The following TEX10 variants were observed in gnomAD, a reference collection of about 807,000 sequenced individuals.
TEX10 encodes the protein testis expressed 10.
A neutral mutation model predicts 104.4 loss-of-function variants in TEX10; 24 were observed. The observed-to-expected ratio is 0.23, with a 90% confidence interval of 0.17 to 0.32. The LOEUF (loss-of-function observed/expected upper bound fraction) is 0.32. Ranked by LOEUF, TEX10 falls within the 10% of genes least tolerant of loss-of-function variation. The probability of loss-of-function intolerance (pLI) is 1.00; values close to 1 mark genes in which losing one functional copy is unlikely to be tolerated. For synonymous variants in TEX10, 396 were observed against 393.4 expected, an observed-to-expected ratio of 1.01 and a Z score of -0.08; for missense variants, 921 against 1,083.9, an observed-to-expected ratio of 0.85 and a Z score of 2.11.
intron 11 of TEX10, among the ~76,000 whole-genome samples, chr9:100,313,832 G>A (rs1272503614): frequency 5.7e-5 from 8 of 141,586 alleles, no homozygotes; most frequent in African/African-American, 1.6e-4. Context: ...GCGACAGAGT[G>A]AAACTGTGTT....
intron 4 of TEX10, among the ~76,000 whole-genome samples, chr9:100,343,588 C>T (rs2118925497): frequency 6.7e-6 from 1 of 149,900 alleles, no homozygotes; most frequent in Admixed American, 6.6e-5. Flanking sequence ...CTTCAAATTA[C>T]TAAAAAGTTT....
At chr9:100,317,813 A>T (rs1473377771) in intron 11 of TEX10, among the ~76,000 whole-genome samples, 1 of 152,222 alleles carries the variant, frequency 6.6e-6, no homozygotes, top group Non-Finnish European at 1.5e-5. Flanking sequence ...GTTAAAAAGT[A>T]GACAAAAGGA....
At chr9:100,339,274 A>AAATATAT (rs1835101688) in intron 5 of TEX10, among the ~76,000 whole-genome samples, 1 of 91,700 alleles carries the variant, frequency 1.1e-5, no homozygotes, top group African/African-American at 4.6e-5. Context: ...AAAAAAAAAA[A>AAATATAT]GTATATATAT....
At chr9:100,315,239 T>C (rs2118848434) in intron 11 of TEX10, among the ~76,000 whole-genome samples, 1 of 152,330 alleles carries the variant, frequency 6.6e-6, no homozygotes, top group South Asian at 2.1e-4. Flanking sequence ...CTGCAGTTTG[T>C]TGAGTAGAAT....
chr9:100,329,967 C>T lies in TEX10; in HGVS notation c.1453G>A (p.Val485Ile). The T allele has an allele frequency of 6.2e-7, 1 of 1,613,738 alleles. No homozygotes were observed. Among genetic ancestry groups the T allele is most frequent in the Non-Finnish European group, 8.5e-7 (1 of 1,179,786 alleles). Residue 485 changes from valine to isoleucine, a missense_variant, in exon 6 of 15, where the codon GTA (valine) becomes ATA (isoleucine). Val to Ile is a conservative substitution (Grantham distance 29). Around this residue, in one of 3 missense-constraint regions of TEX10, gnomAD observed 753 missense variants for 868.4 expected, o/e 0.87. Coordinates refer to ENST00000374902, the MANE Select transcript of TEX10 (RefSeq NM_017746.4). ...TGTATTTGCATTAACCTCCAGGATACTCCCAGCAATCTGTTCAGTTGCTTA... is the reference window on the plus strand; with the variant it reads ...TGTATTTGCATTAACCTCCAGGATATTCCCAGCAATCTGTTCAGTTGCTTA... Reference protein sequence around the residue: ...NSKQLNRLLGVSWRLMQIQPN... With the variant: ...NSKQLNRLLGISWRLMQIQPN...
At chr9:100,304,579 G>C (rs368984013) in intron 13 of TEX10, 1 of 152,128 alleles carries the variant, frequency 6.6e-6, no homozygotes, top group South Asian at 2.1e-4. Flanking sequence ...AAATTAACTC[G>C]GCCAGGCGCG....
At chr9:100,316,910 A>AC (rs1554734918) in intron 11 of TEX10, among the ~76,000 whole-genome samples, 30 of 145,984 alleles carry the variant, frequency 2.1e-4, no homozygotes, top group Non-Finnish European at 3.3e-4. Context: ...AAAAAAAAAA[A>AC]AAAAAACCTA....
chr9:100,305,145 A>G (rs952502817), intron 13 of TEX10: 3 of 152,224 alleles, frequency 2.0e-5, no homozygotes, highest in Non-Finnish European at 4.4e-5. Context: ...CAATATTCAC[A>G]TAGACCTAGA....
At chr9:100,315,872 G>C (rs1221426881) in intron 11 of TEX10, among the ~76,000 whole-genome samples, 1 of 152,250 alleles carries the variant, frequency 6.6e-6, no homozygotes, top group African/African-American at 2.4e-5. Flanking sequence ...ATTATAATAT[G>C]TCACGATGAA....
At chr9:100,345,358 G>T (rs1171503992) in intron 4 of TEX10, among the ~76,000 whole-genome samples, 2 of 152,024 alleles carry the variant, frequency 1.3e-5, no homozygotes, top group African/African-American at 4.8e-5. Flanking sequence ...ACTTCAACTT[G>T]AAATAAAAAT....
At chr9:100,304,700 G>A (rs1173876806) in intron 13 of TEX10, 3 of 151,882 alleles carry the variant, frequency 2.0e-5, no homozygotes, top group African/African-American at 4.8e-5. Flanking sequence ...CTCTACTACA[G>A]ATACAAAATT....
In TEX10 at chr9:100,329,971, C is replaced by G; in HGVS notation, c.1449G>C (p.Leu483=). The G allele has an allele frequency of 6.2e-7, 1 of 1,613,864 alleles. No homozygotes were observed. The highest frequency in any genetic ancestry group is 8.5e-7 in the Non-Finnish European group (1 of 1,179,858). The change falls in exon 6 of 15, where the codon CTG becomes CTC. Residue 483 remains leucine, a synonymous_variant. Transcript: ENST00000374902. ...TTTGCATTAACCTCCAGGATACTCC[C>G]AGCAATCTGTTCAGTTGCTTACTAT... is the stretch of plus-strand genomic sequence containing the variant. ...RLNSKQLNRL[L]GVSWRLMQIQ...
At position 100,336,241 on chromosome 9, in the gene TEX10, T is replaced by C. The variant is rs141761004; in HGVS notation, c.1250+4016A>G. On this transcript the variant is annotated intron_variant, in intron 5 of 14. Transcript: ENST00000374902. ...ACCTGAATAAGAAGTGCAAACAACA[T>C]TGTCCTAGATTAGGGGTCCCCAACC... is the stretch of plus-strand genomic sequence containing the variant. Among the ~76,000 whole-genome samples the C allele has an allele frequency of 4.4e-3, 670 of 152,242 alleles. 4 individuals carry two copies. Among genetic ancestry groups the C allele is most frequent in the African/African-American group, 0.015 (635 of 41,530 alleles).
At chr9:100,319,918 A>C (rs1834523512) in intron 11 of TEX10, among the ~76,000 whole-genome samples, 1 of 152,240 alleles carries the variant, frequency 6.6e-6, no homozygotes, top group African/African-American at 2.4e-5. Context: ...AATTCTTAAA[A>C]CCAAAGGAAC....
chr9:100,327,963 C>A lies in TEX10; in HGVS notation c.1626-1G>T. 6.5e-7 allele frequency: 1 copy of A among 1,539,014 alleles called. No individual in the cohort carries two copies. The highest frequency in any genetic ancestry group is 1.3e-5 in the South Asian group (1 of 77,544). On this transcript the variant is annotated splice_acceptor_variant, in intron 7 of 14. Coordinates refer to ENST00000374902, the MANE Select transcript of TEX10 (RefSeq NM_017746.4). LOFTEE classifies it high-confidence loss of function. ...ACGGGATAACACTTTACTACGATAT[C>A]TTAGAAAGGCCAAAGAAGAATAAAA...
chr9:100,327,165 G>T (rs1239736687), intron 8 of TEX10, among the ~76,000 whole-genome samples: 1 of 152,092 alleles, frequency 6.6e-6, no homozygotes, highest in Non-Finnish European at 1.5e-5. Context: ...ATTTCCAGGG[G>T]CTGGGGGAAG....
intron 5 of TEX10, among the ~76,000 whole-genome samples, chr9:100,337,890 T>G (rs1835051439): frequency 8.6e-6 from 1 of 115,860 alleles, no homozygotes; most frequent in South Asian, 4.1e-4. Flanking sequence ...AATAAGCAGT[T>G]ATCTGTCTCT....
chr9:100,329,745 C>G (rs1164022215), intron 6 of TEX10, among the ~76,000 whole-genome samples, 186 bp downstream of exon 6: 4 of 152,012 alleles, frequency 2.6e-5, no homozygotes, highest in African/African-American at 9.6e-5. Context: ...GTGGACCTAC[C>G]CACTTAGAGA....
At chr9:100,314,170 C>A (rs947320285) in intron 11 of TEX10, among the ~76,000 whole-genome samples, 2 of 151,330 alleles carry the variant, frequency 1.3e-5, no homozygotes, top group Non-Finnish European at 2.9e-5. Context: ...TCACTGCAAC[C>A]TCCACCTCCT....
Sources: gnomAD v4.1 joint callset for allele counts (sites outside exome capture counted in the v4.1 genomes callset) on GRCh38, gnomAD v4.1.1 for gene constraint, gnomAD v4.1.1 regional missense constraint, MANE v1.5 for transcripts, NCBI Gene and HGNC (gene_info 2026-07-23, HGNC 2026-07-21) for gene names.